Variants in MRTFB observed in about 807,000 individuals in gnomAD.
MRTFB encodes myocardin-related transcription factor B.
In MRTFB, 29 loss-of-function variants were observed where a neutral mutation model predicts 104.2. The observed-to-expected ratio is 0.28, with a 90% CI of 0.21 to 0.38. The LOEUF (loss-of-function observed/expected upper bound fraction) is 0.38, where lower values mean the gene tolerates loss of function less well. Ranked by LOEUF, MRTFB falls within the 10% of genes least tolerant of loss-of-function variation. The pLI is 1.00. For synonymous variants in MRTFB, 535 were observed against 519.5 expected (o/e 1.03, Z -0.41); for missense variants, 1,270 against 1,341.6 (o/e 0.95, Z 0.83).
rs1597407803 is a variant in MRTFB, at chr16:14,264,028, G to T, written c.*2584G>T. ...AACAAGGCCCTTCTGACCGGACTCA[G>T]TGCGTGTGATGGTGAGTGCAATGAG... is the stretch of plus-strand genomic sequence containing the variant. On this transcript the variant is annotated 3_prime_UTR_variant, in exon 17 of 17. Coordinates refer to ENST00000571589, the MANE Select transcript of MRTFB (RefSeq NM_001308142.2). 1.3e-5 allele frequency: 2 copies of T among 152,380 alleles called. No homozygotes were observed. The highest frequency in any genetic ancestry group is 2.1e-4 in the South Asian group (1 of 4,830). The allele number at this position is 152,380 out of a possible 1,614,324, so 9.4% of individuals were successfully genotyped here. A position where few individuals can be genotyped will look rare whatever the true frequency, so the allele number is the denominator to read the frequency against.
intron 3 of MRTFB, among the ~76,000 whole-genome samples, chr16:14,209,917 A>T (rs2041120103): frequency 1.3e-5 from 2 of 152,160 alleles, no homozygotes; most frequent in Admixed American, 1.3e-4. Flanking sequence ...TATAAATTAG[A>T]TTTATTAGCA....
chr16:14,223,954 A>T (rs2151252542), intron 8 of MRTFB, among the ~76,000 whole-genome samples: 1 of 152,342 alleles, frequency 6.6e-6, no homozygotes, highest in Admixed American at 6.5e-5. Context: ...AGACTAGGCA[A>T]TTTATGAAAA....
Position 14,248,955 on chromosome 16 carries a change from G to A in MRTFB, c.2277G>A (p.Gln759=), listed in dbSNP as rs1172917407. Residue 759 remains glutamine (Q), a synonymous_variant, in exon 13 of 17, where the codon CAG becomes CAA. Transcript: ENST00000571589. ...QTSPQAGMQT[Q]PQIATAAQIP... is the part of the protein sequence containing the mutation. The stretch of plus-strand genomic sequence containing the variant: ...CACCACAAGCAGGAATGCAGACTCA[G>A]CCTCAGATAGCAACTGCTGCACAAA... The A allele has an allele frequency of 6.2e-7, 1 of 1,613,962 alleles. No individual in the cohort carries two copies.
the MRTFB span, among the ~76,000 whole-genome samples, chr16:14,044,801 GA>G: frequency 4.6e-5 from 7 of 152,284 alleles, no homozygotes; most frequent in East Asian, 1.4e-3. Flanking sequence ...GGGATATATA[GA>G]AGAGAACCCA....
At chr16:14,240,907 C>G in intron 10 of MRTFB, 1 of 612,472 alleles carries the variant, frequency 1.6e-6, no homozygotes. Flanking sequence ...ATATAGAAGG[C>G]TCGAGAAGGG....
At chr16:14,173,606 T>A (rs1200558656) in intron 3 of MRTFB, among the ~76,000 whole-genome samples, 1 of 152,186 alleles carries the variant, frequency 6.6e-6, no homozygotes, top group Non-Finnish European at 1.5e-5. Context: ...TTCAAAGTGT[T>A]TTTCAAATTC....
rs2043899122 is a variant in MRTFB at position 14,265,059 on chromosome 16, A to G, written c.*3615A>G. On this transcript the variant is annotated 3_prime_UTR_variant, in exon 17 of 17. Transcript: ENST00000571589. Reference sequence around the variant, plus strand: ...GGCAGGGTTTAAAATATTTGTGAGAAGCCCACATTTCAGTATACATCCTCA... The same window carrying G: ...GGCAGGGTTTAAAATATTTGTGAGAGGCCCACATTTCAGTATACATCCTCA... 2 of 152,224 alleles carry G rather than the reference A, an allele frequency of 1.3e-5. No individual in the cohort carries two copies. The highest frequency in any genetic ancestry group is 2.1e-4 in the South Asian group (1 of 4,832). 9.4% of individuals were successfully genotyped at this position (152,224 alleles called of 1,614,324 possible). A position where few individuals can be genotyped will look rare whatever the true frequency, so the allele number is the denominator to read the frequency against.
At chr16:14,193,159 C>CATTGT (rs1449388501) in intron 3 of MRTFB, among the ~76,000 whole-genome samples, 1 of 119,742 alleles carries the variant, frequency 8.4e-6, no homozygotes, top group Non-Finnish European at 1.6e-5. Flanking sequence ...CAGGAGTGAT[C>CATTGT]ATTGTATTGC....
At chr16:14,254,050 C>G (rs2043372512) in intron 15 of MRTFB, among the ~76,000 whole-genome samples, 1 of 152,164 alleles carries the variant, frequency 6.6e-6, no homozygotes, top group South Asian at 2.1e-4. Flanking sequence ...CTTGATGAAT[C>G]TTCCACTGTA....
the MRTFB span, among the ~76,000 whole-genome samples, chr16:14,014,046 A>G: frequency 7.7e-4 from 118 of 152,294 alleles, no homozygotes; most frequent in African/African-American, 2.6e-3. Context: ...CCACCATGAA[A>G]ATATTCCCTC....
intron 3 of MRTFB, chr16:14,142,894 T>C (rs1399239601): frequency 6.6e-6 from 1 of 152,170 alleles, no homozygotes; most frequent in Non-Finnish European, 1.5e-5. Flanking sequence ...ATAGATTAAA[T>C]GGTAAAATTT....
At chr16:14,224,222 C>G (rs904000401) in intron 8 of MRTFB, among the ~76,000 whole-genome samples, 1 of 152,174 alleles carries the variant, frequency 6.6e-6, no homozygotes, top group Non-Finnish European at 1.5e-5. Flanking sequence ...TCTTCCAACA[C>G]TTGGGGATTA....
intron 3 of MRTFB, among the ~76,000 whole-genome samples, chr16:14,156,060 C>T (rs1205084153): frequency 6.6e-6 from 1 of 152,190 alleles, no homozygotes; most frequent in African/African-American, 2.4e-5. Context: ...CTAGAAATTG[C>T]CTCCAGGCAG....
At chr16:14,184,222 ATT>A (rs561797213) in intron 3 of MRTFB, among the ~76,000 whole-genome samples, 8,392 of 134,870 alleles carry the variant, frequency 0.062, 758 homozygotes, top group African/African-American at 0.22. Context: ...AAAGTATTTG[ATT>A]TTTTTTTTTT....
At chr16:14,050,275 C>A in the MRTFB span, among the ~76,000 whole-genome samples, 1 of 152,176 alleles carries the variant, frequency 6.6e-6, no homozygotes, top group Non-Finnish European at 1.5e-5. Context: ...TTTCTGTAGT[C>A]TTGAATTTTT....
intron 2 of MRTFB, among the ~76,000 whole-genome samples, chr16:14,132,463 G>A (rs1597005730): frequency 6.6e-6 from 1 of 152,122 alleles, no homozygotes; most frequent in Non-Finnish European, 1.5e-5. Flanking sequence ...TAGAATAGAT[G>A]ATCTCATGTT....
At chr16:14,084,904 CT>C (rs1289618190) in intron 2 of MRTFB, among the ~76,000 whole-genome samples, 1 of 152,120 alleles carries the variant, frequency 6.6e-6, no homozygotes, top group Non-Finnish European at 1.5e-5. Context: ...AGCCAATTAA[CT>C]ATCAGGAGCT....
At chr16:14,023,400 G>A in the MRTFB span, among the ~76,000 whole-genome samples, 1 of 152,054 alleles carries the variant, frequency 6.6e-6, no homozygotes, top group African/African-American at 2.4e-5. Context: ...AGCCATGATT[G>A]TGCCACTGCA....
chr16:14,072,842 A>G (rs1398594265), intron 1 of MRTFB, among the ~76,000 whole-genome samples: 2 of 152,244 alleles, frequency 1.3e-5, no homozygotes, highest in African/African-American at 4.8e-5. Flanking sequence ...AAATATTAGC[A>G]CAAGCCCTCC....
Sources: allele counts gnomAD v4.1 joint callset (sites outside exome capture counted in the v4.1 genomes callset), GRCh38; gene constraint gnomAD v4.1.1; transcripts MANE v1.5; gene names NCBI Gene and HGNC (gene_info 2026-07-23, HGNC 2026-07-21).